PIGB: variants seen among roughly 807,000 people sequenced by gnomAD.
PIGB encodes phosphatidylinositol glycan anchor biosynthesis class B, also known as GPI alpha-1,2-mannosyltransferase 3.
Under a neutral mutation model 68.4 loss-of-function variants are expected in PIGB, and 58 were observed. The ratio of observed to expected loss-of-function variants is 0.85; its 90% CI spans 0.69 to 1.06. The LOEUF (loss-of-function observed/expected upper bound fraction) is 1.06. Among genes scored for constraint, PIGB ranks in the 50% least tolerant of loss-of-function variants. PIGB has a pLI of 0.00. For missense variants in PIGB, 634 were observed against 655.8 expected, an observed-to-expected ratio of 0.97 and a Z score of 0.36; for synonymous variants, 219 against 220.5, an observed-to-expected ratio of 0.99 and a Z score of 0.06.
At chr15:55,352,700 T>C (rs780807059) in intron 10 of PIGB, among the ~76,000 whole-genome samples, 4 of 152,130 alleles carry the variant, frequency 2.6e-5, no homozygotes, top group African/African-American at 7.2e-5. Context: ...GAGGTTGCAG[T>C]GAGCTGAGGT....
At chr15:55,345,405 C>T (rs2055769245) in intron 9 of PIGB, among the ~76,000 whole-genome samples, 1 of 152,138 alleles carries the variant, frequency 6.6e-6, no homozygotes, top group Admixed American at 6.5e-5. Flanking sequence ...TAGGCATTAA[C>T]TGTTGAATTC....
chr15:55,335,167 G>A (rs2055506381), intron 6 of PIGB, among the ~76,000 whole-genome samples: 1 of 152,182 alleles, frequency 6.6e-6, no homozygotes, highest in Non-Finnish European at 1.5e-5. Context: ...TACCATCTAG[G>A]CTTGTGTAAG....
chr15:55,341,852 A>T, intron 9 of PIGB, 50 bp downstream of exon 9: 1 of 722,114 alleles, frequency 1.4e-6, no homozygotes, highest in Non-Finnish European at 2.1e-6. Flanking sequence ...AAATAGTCTA[A>T]AGACAACACA....
chr15:55,347,983 CTT>C (rs576991463), intron 9 of PIGB, among the ~76,000 whole-genome samples: 1 of 94,006 alleles, frequency 1.1e-5, no homozygotes. Flanking sequence ...GCCATAGTTT[CTT>C]TTTTTTTTTT....
At position 55,340,741 on chromosome 15, in the gene PIGB, T is replaced by C; in HGVS notation, c.976T>C (p.Phe326Leu). 2.5e-6 allele frequency: 4 copies of C among 1,611,274 alleles called. No individual in the cohort carries two copies. The highest frequency in any genetic ancestry group is 3.4e-6 in the Non-Finnish European group (4 of 1,178,470). The stretch of plus-strand genomic sequence containing the variant: ...AGTTATCTTGGGTACTCACTTACCC[T>C]TCTTTATTCATGGCTGCTATCTAGC... ...FPVILGTHLP[F>L]FIHGCYLAPK... is the part of the protein sequence containing the mutation. The change falls in exon 8 of 12, where the codon TTC (phenylalanine) becomes CTC (leucine). Residue 326 changes from phenylalanine (F) to leucine (L), a missense_variant. Transcript: ENST00000164305.
rs550374121 is a variant in PIGB, at chr15:55,351,014, A to AATG, written c.1337+105_1337+107dup. On this transcript the variant is annotated intron_variant, in intron 10 of 11. Transcript: ENST00000164305. ...ATTTGAATTAATTGGTCACTGATCAAATGATAAATTTTAAACTCCCACATA... is the reference window on the plus strand; with the variant it reads ...ATTTGAATTAATTGGTCACTGATCAAATGATGATAAATTTTAAACTCCCACATA... The AATG allele has an allele frequency of 5.5e-4, 355 of 644,164 alleles. 1 individual carries two copies. In the African/African-American group the frequency reaches 5.9e-3, roughly 11 times the overall value. The allele number at this position is 644,164 out of a possible 1,614,324, so 39.9% of individuals were successfully genotyped here.
chr15:55,332,437 C>G (rs1444389684), intron 5 of PIGB, among the ~76,000 whole-genome samples: 1 of 150,754 alleles, frequency 6.6e-6, no homozygotes, highest in Non-Finnish European at 1.5e-5. Context: ...ATGGCATGAT[C>G]TCAGCTCATT....
At chr15:55,326,630 G>T (rs1431755198) in intron 3 of PIGB, among the ~76,000 whole-genome samples, 1 of 152,152 alleles carries the variant, frequency 6.6e-6, no homozygotes, top group Non-Finnish European at 1.5e-5. Flanking sequence ...ACTTTGGGAG[G>T]CCGAGGCGGG....
In PIGB at chr15:55,319,222, C is replaced by T; in HGVS notation, c.-29C>T. ...ACGAGCAGCGCGCTACTGCAGCTTT[C>T]TTCCGCCTTAGGAAGGTGGCGGCCA... On this transcript the variant is annotated 5_prime_UTR_variant, in exon 1 of 12. Coordinates refer to ENST00000164305, the MANE Select transcript of PIGB (RefSeq NM_004855.5). The T allele has an allele frequency of 6.3e-7, 1 of 1,585,424 alleles. No individual in the cohort carries two copies. Among genetic ancestry groups the T allele is most frequent in the Non-Finnish European group, 8.6e-7 (1 of 1,165,848 alleles).
At position 55,340,455 on chromosome 15, in the gene PIGB, T is replaced by TAAAA. The variant is rs377443578; in HGVS notation, c.847-139_847-136dup. 5.2e-4 allele frequency: 165 copies of TAAAA among 315,622 alleles called. 1 individual carries two copies. Among genetic ancestry groups the TAAAA allele is most frequent in the African/African-American group, 3.0e-3 (111 of 37,132 alleles). The allele number at this position is 315,622 out of a possible 1,614,324, so 19.6% of individuals were successfully genotyped here. A position where few individuals can be genotyped will look rare whatever the true frequency, so the allele number is the denominator to read the frequency against. The stretch of plus-strand genomic sequence containing the variant: ...TGGGCGACAGAGCAAGACTCCATCT[T>TAAAA]AAAAAAAAAAAAAAAAAAAAATTAT... On this transcript the variant is annotated intron_variant, in intron 7 of 11. Transcript: ENST00000164305.
rs764784473 is a variant in PIGB at position 55,334,006 on chromosome 15, G to A, written c.793G>A (p.Gly265Ser). 5.0e-6 allele frequency: 8 copies of A among 1,586,372 alleles called. No individual in the cohort carries two copies. In the East Asian group the frequency reaches 1.8e-4, roughly 36 times the overall value. Residue 265 changes from glycine to serine, a missense_variant and splice_region_variant, in exon 6 of 12, where the codon GGC becomes AGC. Transcript: ENST00000164305. Reference protein sequence around the residue: ...DLILHHFLPVGFVTLSLSLMI... With the variant: ...DLILHHFLPVSFVTLSLSLMI... ...TATTCTACATCATTTTTTACCTGTA[G>A]GGTAAGTGTGGCAATAATCCATCCA... is the stretch of plus-strand genomic sequence containing the variant.
chr15:55,326,231 A>G (rs2055282204), intron 3 of PIGB, among the ~76,000 whole-genome samples: 1 of 151,820 alleles, frequency 6.6e-6, no homozygotes, highest in African/African-American at 2.4e-5. Context: ...AAAAAAAAAA[A>G]AGTATTTCTT....
chr15:55,320,850 C>T (rs988040050), intron 2 of PIGB, among the ~76,000 whole-genome samples: 1 of 152,134 alleles, frequency 6.6e-6, no homozygotes. Flanking sequence ...ATAATTTTAA[C>T]TCATCAAAGT....
At chr15:55,328,949 C>T (rs1370469489) in intron 4 of PIGB, among the ~76,000 whole-genome samples, 1 of 152,052 alleles carries the variant, frequency 6.6e-6, no homozygotes, top group Non-Finnish European at 1.5e-5. Flanking sequence ...GAGCAAGACT[C>T]CTTCTCGAAG....
At position 55,327,950 on chromosome 15, in the gene PIGB, G is replaced by A. The variant is rs144902779; in HGVS notation, c.522+315G>A. ...CTTTCCATAGAATTGAGTAGGGATC[G>A]TTCTAAATTACCAGCTACCTCACAA... On this transcript the variant is annotated intron_variant, in intron 4 of 11. Coordinates refer to ENST00000164305, the MANE Select transcript of PIGB (RefSeq NM_004855.5). Among the ~76,000 whole-genome samples the A allele has an allele frequency of 3.9e-3, 597 of 152,258 alleles. 1 individual carries two copies. The highest frequency in any genetic ancestry group is 6.3e-3 in the Non-Finnish European group (427 of 68,024).
At chr15:55,344,675 A>C (rs1366251791) in intron 9 of PIGB, among the ~76,000 whole-genome samples, 1 of 152,146 alleles carries the variant, frequency 6.6e-6, no homozygotes, top group Non-Finnish European at 1.5e-5. Flanking sequence ...TCTTTAGTGA[A>C]TTGTTCAACA....
chr15:55,325,324 T>TCA (rs955752415), intron 3 of PIGB, among the ~76,000 whole-genome samples: 9 of 151,794 alleles, frequency 5.9e-5, no homozygotes, highest in South Asian at 4.2e-4. Flanking sequence ...AGACTCTGTC[T>TCA]CACACACACA....
chr15:55,325,311 G>A (rs1421095970), intron 3 of PIGB, among the ~76,000 whole-genome samples: 1 of 152,068 alleles, frequency 6.6e-6, no homozygotes, highest in Non-Finnish European at 1.5e-5. Context: ...GGATGACAGA[G>A]TGAGACTCTG....
intron 5 of PIGB, among the ~76,000 whole-genome samples, chr15:55,332,097 C>G (rs2055429670): frequency 6.6e-6 from 1 of 151,984 alleles, no homozygotes; most frequent in African/African-American, 2.4e-5. Context: ...GCTTCAGCCT[C>G]CCGAGTAGCT....
Sources: allele counts gnomAD v4.1 joint callset (sites outside exome capture counted in the v4.1 genomes callset), GRCh38; gene constraint gnomAD v4.1.1; transcripts MANE v1.5; gene names NCBI Gene and HGNC (gene_info 2026-07-23, HGNC 2026-07-21).